DCDC2B: variants seen among roughly 807,000 people sequenced by gnomAD.
DCDC2B encodes the protein doublecortin domain-containing protein 2B.
A neutral mutation model predicts 38.9 loss-of-function variants in DCDC2B; 41 were observed. The ratio of observed to expected loss-of-function variants is 1.05; its 90% confidence interval spans 0.82 to 1.37. DCDC2B has a LOEUF of 1.37. Ranked by LOEUF, DCDC2B falls within the 40% of genes most tolerant of loss-of-function variation. The pLI, the probability that DCDC2B is intolerant of heterozygous loss-of-function variation, is 0.00. For synonymous variants in DCDC2B, 181 were observed against 171.9 expected, an observed-to-expected ratio of 1.05 and a Z score of -0.41; for missense variants, 453 against 427.2, an observed-to-expected ratio of 1.06 and a Z score of -0.53.
In DCDC2B at chr1:32,211,842, G is replaced by C; in HGVS notation, c.395+5G>C. On this transcript the variant is annotated splice_donor_5th_base_variant and intron_variant, in intron 3 of 8. Transcript: ENST00000409358. ...AGGTGCTCCCAGCTATATCCAGTGA[G>C]TGCCAGTGTGAGGGAGCAGGGGTGT... 1 of 1,606,246 alleles carries C rather than the reference G, an allele frequency of 6.2e-7. No homozygotes were observed. The highest frequency in any genetic ancestry group is 8.5e-7 in the Non-Finnish European group (1 of 1,176,450).
chr1:32,210,162 T>C (rs1436101912), intron 1 of DCDC2B, among the ~76,000 whole-genome samples: 1 of 152,084 alleles, frequency 6.6e-6, no homozygotes, highest in African/African-American at 2.4e-5. Flanking sequence ...ACCCCATCTC[T>C]ACTAAAACTA....
chr1:32,212,245 C>A, intron 4 of DCDC2B, 44 bp downstream of exon 4: 1 of 1,599,298 alleles, frequency 6.3e-7, no homozygotes, highest in South Asian at 1.1e-5. Context: ...CCAAAGAGAG[C>A]CTCGCCACTG....
intron 6 of DCDC2B, among the ~76,000 whole-genome samples, 183 bp downstream of exon 6, chr1:32,212,976 C>T (rs565131773): frequency 1.1e-4 from 16 of 152,254 alleles, no homozygotes; most frequent in East Asian, 3.9e-4. Flanking sequence ...CTGCAACCTC[C>T]GCCTCCCAGG....
intron 1 of DCDC2B, among the ~76,000 whole-genome samples, chr1:32,210,517 A>G (rs1186113978): frequency 6.6e-6 from 1 of 151,848 alleles, no homozygotes; most frequent in East Asian, 1.9e-4. Flanking sequence ...AAAAAAGAGA[A>G]AAAAAGAAAA....
At position 32,214,586 on chromosome 1, in the gene DCDC2B, G is replaced by A. The variant is rs553010021; in HGVS notation, c.715-211G>A. On this transcript the variant is annotated intron_variant, in intron 6 of 8. Coordinates refer to ENST00000409358, the MANE Select transcript of DCDC2B (RefSeq NM_001099434.2). Reference sequence around the variant, plus strand: ...GCACAGTCTGGTTTCACTGGGCATCGAGGAGTGCCAGGCATCTACTGCTCT... The same window carrying A: ...GCACAGTCTGGTTTCACTGGGCATCAAGGAGTGCCAGGCATCTACTGCTCT... The A allele has an allele frequency of 1.1e-4, 69 of 603,446 alleles. No individual in the cohort carries two copies. The Middle Eastern group carries it at 1.3e-3, about 11-fold the overall frequency. 37.4% of individuals were successfully genotyped at this position (603,446 alleles called of 1,614,324 possible).
rs369947520 is a variant in DCDC2B at position 32,212,706 on chromosome 1, G to A, written c.675-48G>A. 67 of 1,613,194 alleles carry A rather than the reference G, an allele frequency of 4.2e-5. No individual in the cohort carries two copies. In the African/African-American group the frequency reaches 6.8e-4, roughly 16 times the overall value. Reference sequence around the variant, plus strand: ...GCCACCCTCTGGGTCTGTGTGCTTTGACTCTATGCCCTCTGCCCACTACAA... The same window carrying A: ...GCCACCCTCTGGGTCTGTGTGCTTTAACTCTATGCCCTCTGCCCACTACAA... On this transcript the variant is annotated intron_variant, in intron 5 of 8. Transcript: ENST00000409358.
Position 32,212,477 on chromosome 1 carries a change from C to A in DCDC2B, c.528-13C>A, listed in dbSNP as rs200278977. ...GTCTACCAGCCCTTATCCTCCTCACCTCTCTCTCCCAGACTCTGCACCCTA... is the reference window on the plus strand; with the variant it reads ...GTCTACCAGCCCTTATCCTCCTCACATCTCTCTCCCAGACTCTGCACCCTA... On this transcript the variant is annotated splice_polypyrimidine_tract_variant and intron_variant, in intron 4 of 8. Transcript: ENST00000409358. 6.2e-7 allele frequency: 1 copy of A among 1,613,288 alleles called. No individual in the cohort carries two copies. The highest frequency in any genetic ancestry group is 1.7e-5 in the Admixed American group (1 of 59,988).
At chr1:32,212,673 C>T in intron 5 of DCDC2B, 37 bp downstream of exon 5, 1 of 1,612,956 alleles carries the variant, frequency 6.2e-7, no homozygotes, top group Non-Finnish European at 8.5e-7. Flanking sequence ...ACAGGCCGGG[C>T]AGAGGAAGCC....
intron 5 of DCDC2B, 50 bp from the exon 6 acceptor site, chr1:32,212,704 T>C: frequency 6.2e-7 from 1 of 1,613,144 alleles, no homozygotes. Context: ...TCTGTGTGCT[T>C]TGACTCTATG....
chr1:32,213,020 C>T (rs1643654067), intron 6 of DCDC2B, among the ~76,000 whole-genome samples: 1 of 152,116 alleles, frequency 6.6e-6, no homozygotes, highest in African/African-American at 2.4e-5. Flanking sequence ...CCTCAGCCTC[C>T]TGAGTAGCTG....
chr1:32,210,277 G>A (rs1327440464), intron 1 of DCDC2B, among the ~76,000 whole-genome samples: 1 of 147,082 alleles, frequency 6.8e-6, no homozygotes, highest in African/African-American at 2.5e-5. Flanking sequence ...AGTGAGCCGA[G>A]ATCGTGCCAC....
chr1:32,211,381 GCCC>G, intron 2 of DCDC2B, 58 bp downstream of exon 2: 1 of 1,590,570 alleles, frequency 6.3e-7, no homozygotes, highest in Middle Eastern at 1.8e-4. Flanking sequence ...TCCTGGAACT[GCCC>G]CCAATTTGGT....
In DCDC2B at chr1:32,209,136, C is replaced by T. The variant is rs1179529574; in HGVS notation, c.43C>T (p.Arg15Trp). Residue 15 changes from arginine to tryptophan, a missense_variant, in exon 1 of 9, where the codon CGG becomes TGG. Physicochemically the swap from Arg to Trp is moderately radical, Grantham distance 101. Coordinates refer to ENST00000409358, the MANE Select transcript of DCDC2B (RefSeq NM_001099434.2). ...SPAAKRVVVYRNGDPFFPGSQ... is the reference protein window; with the variant it reads ...SPAAKRVVVYWNGDPFFPGSQ... ...AGCAGCCAAGAGGGTAGTGGTGTAC[C>T]GGAATGGGGACCCATTCTTCCCAGG... 12 of 1,613,728 alleles carry T rather than the reference C, an allele frequency of 7.4e-6. No individual in the cohort carries two copies. Among genetic ancestry groups the T allele is most frequent in the Admixed American group, 1.7e-5 (1 of 59,992 alleles).
rs370188556 is a variant in DCDC2B at position 32,209,216 on chromosome 1, C to T, written c.123C>T (p.Cys41=). 152 of 1,613,902 alleles carry T rather than the reference C, an allele frequency of 9.4e-5. No individual in the cohort carries two copies. In the African/African-American group the frequency reaches 9.5e-4, roughly 10 times the overall value. Residue 41 remains cysteine, a synonymous_variant, in exon 1 of 9, where the codon TGC becomes TGT. Transcript: ENST00000409358. ...TCCCCACCATGGAGGCCTTCCTCTGCGAGGTGACATCAGCTGTGCAGGCCC... is the reference window on the plus strand; with the variant it reads ...TCCCCACCATGGAGGCCTTCCTCTGTGAGGTGACATCAGCTGTGCAGGCCC... ...RRFPTMEAFL[C]EVTSAVQAPL...
intron 3 of DCDC2B, 24 bp downstream of exon 3, chr1:32,211,861 G>A (rs747677577): frequency 8.2e-6 from 13 of 1,594,228 alleles, no homozygotes; most frequent in Non-Finnish European, 1.1e-5. Context: ...TGAGGGAGCA[G>A]GGGTGTTGAT....
rs541050742 is a variant in DCDC2B, at chr1:32,210,714, C to CTTTT, written c.267-548_267-545dup. 1.9e-4 allele frequency among the ~76,000 whole-genome samples: 27 copies of CTTTT among 144,770 alleles called. 1 individual carries two copies. Among genetic ancestry groups the CTTTT allele is most frequent in the Admixed American group, 1.5e-3 (21 of 14,412 alleles). 95.0% of individuals were successfully genotyped at this position (144,770 alleles called of 152,430 possible). ...TGCACTAGTTTCTAGTTTCTCTTGA[C>CTTTT]TTTTTTTTTTTTTGAGACAGGGTCT... On this transcript the variant is annotated intron_variant, in intron 1 of 8. Coordinates refer to ENST00000409358, the MANE Select transcript of DCDC2B (RefSeq NM_001099434.2).
In DCDC2B at chr1:32,215,954, T is replaced by C. The variant is rs1296566238; in HGVS notation, c.*57T>C. The C allele has an allele frequency of 1.4e-6, 2 of 1,407,692 alleles. No individual in the cohort carries two copies. Among genetic ancestry groups the C allele is most frequent in the Non-Finnish European group, 2.0e-6 (2 of 1,019,746 alleles). The allele number at this position is 1,407,692 out of a possible 1,614,324, so 87.2% of individuals were successfully genotyped here. A position where few individuals can be genotyped will look rare whatever the true frequency, so the allele number is the denominator to read the frequency against. On this transcript the variant is annotated 3_prime_UTR_variant, in exon 9 of 9. Transcript: ENST00000409358. ...CACTACTCTGGCCACCTTTTGTCCT[T>C]AGCCTCCAGCAGCTTGTTCCTCAGG... is the stretch of plus-strand genomic sequence containing the variant.
chr1:32,211,344 G>A (rs1643575629), intron 2 of DCDC2B, 21 bp downstream of exon 2: 1 of 1,613,094 alleles, frequency 6.2e-7, no homozygotes, highest in Non-Finnish European at 8.5e-7. Context: ...GGGAACCTGT[G>A]CCCCAGCCCC....
At chr1:32,210,275 G>A (rs1409836310) in intron 1 of DCDC2B, among the ~76,000 whole-genome samples, 5 of 149,236 alleles carry the variant, frequency 3.4e-5, no homozygotes, top group Non-Finnish European at 1.5e-5. Context: ...GCAGTGAGCC[G>A]AGATCGTGCC....
Sources: allele counts gnomAD v4.1 joint callset (sites outside exome capture counted in the v4.1 genomes callset), GRCh38; gene constraint gnomAD v4.1.1; transcripts MANE v1.5; gene names NCBI Gene and HGNC (gene_info 2026-07-23, HGNC 2026-07-21).